Variants in NAPEPLD observed in about 807,000 individuals in gnomAD.
NAPEPLD encodes N-acyl-phosphatidylethanolamine-hydrolyzing phospholipase D.
Under a neutral mutation model 38.1 loss-of-function variants are expected in NAPEPLD, and 23 were observed. The ratio of observed to expected loss-of-function variants is 0.60; its 90% confidence interval spans 0.43 to 0.86. The LOEUF (loss-of-function observed/expected upper bound fraction) is 0.86. Among genes scored for constraint, NAPEPLD ranks in the 40% least tolerant of loss-of-function variants. NAPEPLD has a pLI of 0.00. For synonymous variants in NAPEPLD, 147 were observed against 162.0 expected (o/e 0.91, Z 0.71); for missense variants, 411 against 476.8 (o/e 0.86, Z 1.28).
chr7:103,140,387 C>CCT lies in NAPEPLD; in HGVS notation c.-17+8423_-17+8424insAG, dbSNP rs763907351. Among the ~76,000 whole-genome samples the CCT allele has an allele frequency of 8.6e-5, 8 of 92,636 alleles. No individual in the cohort carries two copies. The East Asian group carries it at 3.0e-3, about 34-fold the overall frequency. The allele number at this position is 92,636 out of a possible 152,430, so 60.8% of individuals were successfully genotyped here. On this transcript the variant is annotated intron_variant, in intron 1 of 4. Coordinates refer to ENST00000465647, the MANE Select transcript of NAPEPLD (RefSeq NM_001122838.3). ...GCCTGATCTTGGAATTCACAGAACT[C>CCT]TTTTTTTTTTTTTTTTTTTTTTTGA...
intron 2 of NAPEPLD, chr7:103,127,560 G>A (rs1217033573): frequency 1.3e-5 from 2 of 152,212 alleles, no homozygotes; most frequent in South Asian, 4.1e-4. Context: ...GGCTGGTGAA[G>A]GGTGCCCTAG....
chr7:103,105,485 T>C (rs1803125040), intron 4 of NAPEPLD, among the ~76,000 whole-genome samples: 1 of 152,246 alleles, frequency 6.6e-6, no homozygotes, highest in Non-Finnish European at 1.5e-5. Flanking sequence ...TAAGTTTTAG[T>C]GCTTAAATAT....
At chr7:103,149,347 G>A (rs1263005645), upstream of NAPEPLD, 1 of 1,151,196 alleles carries the variant, frequency 8.7e-7, no homozygotes, top group Non-Finnish European at 1.1e-6. Context: ...GAGTCCCCGC[G>A]CAAAGCGCCG....
chr7:103,147,153 C>A (rs1812734065), intron 1 of NAPEPLD, among the ~76,000 whole-genome samples: 1 of 152,122 alleles, frequency 6.6e-6, no homozygotes, highest in Non-Finnish European at 1.5e-5. Context: ...AAGCAAAGCA[C>A]TATAAATTGT....
chr7:103,124,914 C>T (rs1378245591), intron 2 of NAPEPLD, among the ~76,000 whole-genome samples: 4 of 152,102 alleles, frequency 2.6e-5, no homozygotes, highest in Admixed American at 6.5e-5. Flanking sequence ...CATGCTCCTT[C>T]GATGGCATAA....
chr7:103,104,724 T>C (rs1232761749), intron 4 of NAPEPLD, among the ~76,000 whole-genome samples: 1 of 152,180 alleles, frequency 6.6e-6, no homozygotes, highest in Non-Finnish European at 1.5e-5. Flanking sequence ...GTCTATTTTA[T>C]ATATAAAGAA....
intron 1 of NAPEPLD, among the ~76,000 whole-genome samples, chr7:103,137,746 G>T (rs1410101478): frequency 6.7e-6 from 1 of 149,130 alleles, no homozygotes; most frequent in African/African-American, 2.5e-5. Flanking sequence ...AACCCAGGAG[G>T]TAAAGGCTGC....
chr7:103,125,072 T>A (rs779043316), intron 2 of NAPEPLD, among the ~76,000 whole-genome samples: 1 of 152,218 alleles, frequency 6.6e-6, no homozygotes, highest in Non-Finnish European at 1.5e-5. Flanking sequence ...AAATATCACT[T>A]TTAAAGAAGA....
At chr7:103,117,830 A>G (rs1805863319) in intron 3 of NAPEPLD, among the ~76,000 whole-genome samples, 3 of 152,218 alleles carry the variant, frequency 2.0e-5, no homozygotes, top group African/African-American at 7.2e-5. Context: ...ACAAATTTAT[A>G]TATTACTACA....
At chr7:103,148,256 A>C (rs1812977290) in intron 1 of NAPEPLD, among the ~76,000 whole-genome samples, 1 of 152,204 alleles carries the variant, frequency 6.6e-6, no homozygotes, top group African/African-American at 2.4e-5. Context: ...AGCCAAAGCC[A>C]ACCAGGTGAG....
intron 1 of NAPEPLD, among the ~76,000 whole-genome samples, chr7:103,135,297 T>C (rs961439272): frequency 3.3e-5 from 5 of 152,194 alleles, no homozygotes; most frequent in African/African-American, 1.2e-4. Context: ...CTAGATAACA[T>C]GGCTAATGAA....
chr7:103,115,116 C>T lies in NAPEPLD; in HGVS notation c.1000G>A (p.Val334Ile). The change falls in exon 4 of 5, where the codon GTC becomes ATC. Residue 334 changes from valine to isoleucine, a missense_variant. By Grantham distance (29) the Val-to-Ile change is conservative. Coordinates refer to ENST00000465647, the MANE Select transcript of NAPEPLD (RefSeq NM_001122838.3). Reference sequence around the variant, plus strand: ...ATTGCCATAGATTTCTTTGTTTGGACATCAGTGTGAATCCTTACAGCTTCT... The same window carrying T: ...ATTGCCATAGATTTCTTTGTTTGGATATCAGTGTGAATCCTTACAGCTTCT... ...PEEAVRIHTD[V>I]QTKKSMAIHW... 6 of 1,614,028 alleles carry T rather than the reference C, an allele frequency of 3.7e-6. No homozygotes were observed. The highest frequency in any genetic ancestry group is 5.1e-6 in the Non-Finnish European group (6 of 1,179,962).
At chr7:103,149,393 G>T (rs1480969284), upstream of NAPEPLD, 2 of 1,177,514 alleles carry the variant, frequency 1.7e-6, no homozygotes, top group Non-Finnish European at 2.1e-6. Context: ...GCAGGCGCTC[G>T]GGTTCTTCCT....
At chr7:103,149,259 G>A (rs1474711948), upstream of NAPEPLD, 7 of 1,000,692 alleles carry the variant, frequency 7.0e-6, no homozygotes, top group Non-Finnish European at 8.3e-6. Flanking sequence ...CGGGGTGCGA[G>A]CGCGGGGGTG....
intron 1 of NAPEPLD, among the ~76,000 whole-genome samples, chr7:103,147,145 G>C (rs1812732685): frequency 6.6e-6 from 1 of 152,118 alleles, no homozygotes; most frequent in South Asian, 2.1e-4. Context: ...GACAAATCAA[G>C]CAAAGCACTA....
intron 1 of NAPEPLD, 22 bp from the exon 2 acceptor site, chr7:103,128,814 A>G: frequency 1.3e-6 from 2 of 1,587,200 alleles, no homozygotes; most frequent in Non-Finnish European, 1.7e-6. Flanking sequence ...AAGGGGGAAA[A>G]ATACTGAGTT....
At chr7:103,132,707 C>T (rs1809198596) in intron 1 of NAPEPLD, among the ~76,000 whole-genome samples, 1 of 152,116 alleles carries the variant, frequency 6.6e-6, no homozygotes, top group Admixed American at 6.5e-5. Flanking sequence ...ATCCCTTGAG[C>T]CCAGGAAGTT....
chr7:103,130,255 C>CTT (rs1240749744), intron 1 of NAPEPLD, among the ~76,000 whole-genome samples: 1 of 152,176 alleles, frequency 6.6e-6, no homozygotes, highest in Non-Finnish European at 1.5e-5. Flanking sequence ...AGAACCAAAA[C>CTT]TTTTTTTCCA....
intron 1 of NAPEPLD, among the ~76,000 whole-genome samples, chr7:103,134,837 T>C (rs543610138): frequency 4.6e-5 from 7 of 152,296 alleles, no homozygotes; most frequent in African/African-American, 1.2e-4. Context: ...GCTGTGACAT[T>C]TGGTGAAGAC....
Sources: allele counts gnomAD v4.1 joint callset (sites outside exome capture counted in the v4.1 genomes callset), GRCh38; gene constraint gnomAD v4.1.1; transcripts MANE v1.5; gene names NCBI Gene and HGNC (gene_info 2026-07-23, HGNC 2026-07-21).